HDAC9: variants seen among roughly 807,000 people sequenced by gnomAD.
The protein encoded by HDAC9 is MEF-2 interacting transcription repressor (MITR) protein.
In HDAC9, 41 loss-of-function variants were observed where a neutral mutation model predicts 139.4. That is an observed-to-expected ratio of 0.29 (90% CI 0.23 to 0.38). The LOEUF is 0.38. HDAC9 is among the 10% of genes least tolerant of loss of function. HDAC9 has a pLI of 1.00. For synonymous variants in HDAC9, 517 were observed against 476.2 expected (o/e 1.09, Z -1.12); for missense variants, 1,147 against 1,297.0 (o/e 0.88, Z 1.78).
intron 12 of HDAC9, among the ~76,000 whole-genome samples, chr7:18,713,235 C>T (rs1784469585): frequency 6.6e-6 from 1 of 152,084 alleles, no homozygotes; most frequent in African/African-American, 2.4e-5. Flanking sequence ...AATGAGACCA[C>T]TTAGCAGAAT....
intron 12 of HDAC9, among the ~76,000 whole-genome samples, chr7:18,695,817 A>C (rs1002860610): frequency 6.6e-6 from 1 of 152,118 alleles, no homozygotes; most frequent in Non-Finnish European, 1.5e-5. Flanking sequence ...TCAGTTTTTC[A>C]GTTTTCTCAC....
At chr7:18,627,536 C>G (rs1462685894) in intron 6 of HDAC9, among the ~76,000 whole-genome samples, 1 of 152,132 alleles carries the variant, frequency 6.6e-6, no homozygotes, top group African/African-American at 2.4e-5. Flanking sequence ...TATCTAAGTA[C>G]ATTAATACAG....
intron 1 of HDAC9, among the ~76,000 whole-genome samples, chr7:18,347,924 G>A (rs943392453): frequency 2.0e-4 from 31 of 152,246 alleles, no homozygotes; most frequent in South Asian, 1.4e-3. Flanking sequence ...TTTTTACAAA[G>A]TAGATGATAA....
intron 22 of HDAC9, among the ~76,000 whole-genome samples, chr7:18,928,750 A>T (rs1393636263): frequency 6.6e-6 from 1 of 152,088 alleles, no homozygotes; most frequent in Non-Finnish European, 1.5e-5. Flanking sequence ...AAATACACAA[A>T]GGTAGAATTG....
At chr7:18,476,282 G>A (rs1026086855) in intron 1 of HDAC9, among the ~76,000 whole-genome samples, 6 of 152,026 alleles carry the variant, frequency 3.9e-5, no homozygotes, top group Non-Finnish European at 8.8e-5. Context: ...TGCCCACAAA[G>A]ACTAGTAGAT....
intron 2 of HDAC9, among the ~76,000 whole-genome samples, chr7:18,534,092 G>T (rs539566352): frequency 6.6e-6 from 1 of 152,040 alleles, no homozygotes; most frequent in South Asian, 2.1e-4. Context: ...TGTTTGTTTT[G>T]ATCTCTCCTG....
In HDAC9 at chr7:18,459,621, G is replaced by A. The variant is rs543871075; in HGVS notation, c.-41-36641G>A. Among the ~76,000 whole-genome samples, 4 of 152,132 alleles carry A rather than the reference G, an allele frequency of 2.6e-5. No individual in the cohort carries two copies. In the South Asian group the frequency reaches 8.3e-4, roughly 32 times the overall value. On this transcript the variant is annotated intron_variant, in intron 1 of 3. Transcript: ENST00000413509. ...TTGCCAGTAAATCGTCCTGCCTGGG[G>A]TGATGATTTAATTTTCATGGTATTC... is the stretch of plus-strand genomic sequence containing the variant.
intron 2 of HDAC9, among the ~76,000 whole-genome samples, chr7:18,562,733 G>A (rs958759817): frequency 5.3e-5 from 8 of 151,930 alleles, no homozygotes; most frequent in Non-Finnish European, 1.5e-5. Flanking sequence ...TAGCTATACT[G>A]GGTCTCTTCC....
intron 1 of HDAC9, among the ~76,000 whole-genome samples, chr7:18,138,512 TGA>T (rs796391642): frequency 5.1e-5 from 7 of 138,074 alleles, no homozygotes; most frequent in Admixed American, 1.4e-4. Context: ...GAAGCTGTAG[TGA>T]GAGAGAGAGA....
intron 13 of HDAC9, among the ~76,000 whole-genome samples, chr7:18,745,506 C>T (rs1584960732): frequency 6.9e-6 from 1 of 144,402 alleles, no homozygotes; most frequent in Admixed American, 7.1e-5. Context: ...AAAAGTTAAG[C>T]AATGTAATGA....
intron 15 of HDAC9, among the ~76,000 whole-genome samples, chr7:18,764,118 T>G (rs1310593142): frequency 6.6e-6 from 1 of 152,190 alleles, no homozygotes; most frequent in East Asian, 1.9e-4. Context: ...TTTTTAAATT[T>G]GATGATTTTA....
chr7:18,982,775 A>G (rs1037482246), intron 25 of HDAC9, among the ~76,000 whole-genome samples: 1 of 152,102 alleles, frequency 6.6e-6, no homozygotes, highest in African/African-American at 2.4e-5. Context: ...CTCATTAAGC[A>G]TGTTTTTGAG....
At chr7:18,899,966 CAG>C (rs1801548163) in intron 22 of HDAC9, among the ~76,000 whole-genome samples, 1 of 151,988 alleles carries the variant, frequency 6.6e-6, no homozygotes, top group Non-Finnish European at 1.5e-5. Context: ...AATACACACA[CAG>C]AAAGATGATA....
intron 1 of HDAC9, among the ~76,000 whole-genome samples, chr7:18,401,069 C>T (rs964047502): frequency 6.6e-6 from 1 of 152,126 alleles, no homozygotes; most frequent in Non-Finnish European, 1.5e-5. Flanking sequence ...ATAAGTCTTC[C>T]TACTTTTTGT....
Position 18,634,543 on chromosome 7 carries a change from T to A in HDAC9, c.797-84T>A. The A allele has an allele frequency of 3.8e-6, 3 of 794,582 alleles. No individual in the cohort carries two copies. The Admixed American group carries it at 8.0e-5, about 21-fold the overall frequency. 49.2% of individuals were successfully genotyped at this position (794,582 alleles called of 1,614,324 possible). ...GCATTTACATAGGGGGAAAATAACA[T>A]GCCCAATGTTACATGTTACAGTAAC... On this transcript the variant is annotated intron_variant, in intron 7 of 25. Transcript: ENST00000686413.
At chr7:18,615,876 T>G (rs1716887205) in intron 6 of HDAC9, among the ~76,000 whole-genome samples, 1 of 152,210 alleles carries the variant, frequency 6.6e-6, no homozygotes, top group African/African-American at 2.4e-5. Flanking sequence ...TAAACCAATC[T>G]ATATTTATTA....
intron 2 of HDAC9, among the ~76,000 whole-genome samples, chr7:18,226,128 A>C (rs571453754): frequency 1.3e-5 from 2 of 152,286 alleles, no homozygotes; most frequent in Admixed American, 6.5e-5. Context: ...GAATAAGATA[A>C]ATTTAGAGTA....
chr7:18,368,686 G>T (rs1234751525), intron 1 of HDAC9, among the ~76,000 whole-genome samples: 1 of 151,952 alleles, frequency 6.6e-6, no homozygotes, highest in Non-Finnish European at 1.5e-5. Context: ...TAAGCTTTAT[G>T]ATGATCCACT....
intron 1 of HDAC9, among the ~76,000 whole-genome samples, chr7:18,323,427 G>T (rs1416937065): frequency 6.6e-6 from 1 of 152,092 alleles, no homozygotes; most frequent in Non-Finnish European, 1.5e-5. Flanking sequence ...ACCTCTCAAA[G>T]GGATACACAC....
Sources: gnomAD v4.1 joint callset for allele counts (sites outside exome capture counted in the v4.1 genomes callset) on GRCh38, gnomAD v4.1.1 for gene constraint, MANE v1.5 for transcripts, NCBI Gene and HGNC (gene_info 2026-07-23, HGNC 2026-07-21) for gene names.